The following CDK15 variants were observed in gnomAD, a reference collection of about 807,000 sequenced individuals.
CDK15 encodes the protein cyclin dependent kinase 15.
Under a neutral mutation model 60.3 loss-of-function variants are expected in CDK15, and 62 were observed. The ratio of observed to expected loss-of-function variants is 1.03; its 90% CI spans 0.84 to 1.27. The LOEUF is 1.27. Among genes scored for constraint, CDK15 ranks in the 50% most tolerant of loss-of-function variants. The pLI is 0.00. For missense variants in CDK15, 541 were observed against 527.8 expected, an observed-to-expected ratio of 1.03 and a Z score of -0.25; for synonymous variants, 194 against 195.7, an observed-to-expected ratio of 0.99 and a Z score of 0.07.
intron 4 of CDK15, among the ~76,000 whole-genome samples, chr2:201,813,388 G>A (rs1007116727): frequency 1.3e-5 from 2 of 152,106 alleles, no homozygotes; most frequent in Non-Finnish European, 1.5e-5. Context: ...AACCTTTATT[G>A]CATGAGCCAT....
intron 8 of CDK15, among the ~76,000 whole-genome samples, chr2:201,844,843 T>A (rs1314645702): frequency 1.3e-5 from 2 of 151,706 alleles, no homozygotes; most frequent in African/African-American, 4.8e-5. Flanking sequence ...ATATCCAAAT[T>A]GGCTTTTTAA....
intron 12 of CDK15, among the ~76,000 whole-genome samples, 189 bp from the exon 13 acceptor site, chr2:201,890,596 T>C (rs965283967): frequency 2.6e-5 from 4 of 152,240 alleles, no homozygotes; most frequent in African/African-American, 9.6e-5. Context: ...TTGAATTAAA[T>C]AGAAGGCACT....
At chr2:201,822,436 T>G (rs1001386662) in intron 4 of CDK15, among the ~76,000 whole-genome samples, 1 of 152,208 alleles carries the variant, frequency 6.6e-6, no homozygotes, top group African/African-American at 2.4e-5. Flanking sequence ...AACACTCCAT[T>G]TCCTGCTCCT....
chr2:201,890,688 C>G (rs969545395), intron 12 of CDK15, 97 bp from the exon 13 acceptor site: 65 of 861,230 alleles, frequency 7.5e-5, no homozygotes, highest in Admixed American at 2.1e-4. Context: ...CATGTTTTGA[C>G]ATTTCTTCAG....
rs900521237 is a variant in CDK15, at chr2:201,834,112, A to G, written c.730+141A>G. ...TTTGTGAGGATATCAAACTACCACA[A>G]AGGAAGTGTGAGGCACGAAACAGGG... On this transcript the variant is annotated intron_variant, in intron 7 of 13. Transcript: ENST00000652192. 1.5e-5 allele frequency: 16 copies of G among 1,082,368 alleles called. No individual in the cohort carries two copies. In the South Asian group the frequency reaches 1.9e-4, roughly 13 times the overall value. The allele number at this position is 1,082,368 out of a possible 1,614,324, so 67.0% of individuals were successfully genotyped here. A position where few individuals can be genotyped will look rare whatever the true frequency, so the allele number is the denominator to read the frequency against.
At chr2:201,816,466 T>TTTG (rs1553520805) in intron 4 of CDK15, among the ~76,000 whole-genome samples, 2 of 147,850 alleles carry the variant, frequency 1.4e-5, no homozygotes, top group Admixed American at 6.7e-5. Flanking sequence ...TTTTTTTTTT[T>TTTG]TTTTTTTTTT....
intron 10 of CDK15, among the ~76,000 whole-genome samples, chr2:201,864,996 A>G (rs1698560785): frequency 6.6e-6 from 1 of 152,176 alleles, no homozygotes; most frequent in Non-Finnish European, 1.5e-5. Context: ...CCAGTACTGC[A>G]GGACTGGGTA....
At chr2:201,821,390 GCC>G (rs1696212903) in intron 4 of CDK15, among the ~76,000 whole-genome samples, 3 of 151,978 alleles carry the variant, frequency 2.0e-5, no homozygotes, top group African/African-American at 7.3e-5. Flanking sequence ...AAATAGAAGT[GCC>G]CCCGCTAGAA....
intron 10 of CDK15, among the ~76,000 whole-genome samples, chr2:201,866,957 C>T (rs922885116): frequency 9.9e-5 from 15 of 152,246 alleles, no homozygotes; most frequent in Admixed American, 9.2e-4. Flanking sequence ...GTGGGAGGGG[C>T]GTCAGCACAA....
At chr2:201,810,287 C>A (rs1393338825) in intron 3 of CDK15, among the ~76,000 whole-genome samples, 1 of 151,620 alleles carries the variant, frequency 6.6e-6, no homozygotes, top group East Asian at 1.9e-4. Flanking sequence ...CAGAAAAGAT[C>A]CATAAACTTA....
intron 6 of CDK15, among the ~76,000 whole-genome samples, chr2:201,826,407 C>T (rs1696497241): frequency 7.8e-6 from 1 of 127,930 alleles, no homozygotes; most frequent in African/African-American, 2.9e-5. Context: ...TTGCGTGAGC[C>T]GAGATCGCGC....
At chr2:201,809,103 G>A (rs1050871729) in intron 3 of CDK15, among the ~76,000 whole-genome samples, 1 of 151,940 alleles carries the variant, frequency 6.6e-6, no homozygotes, top group Non-Finnish European at 1.5e-5. Flanking sequence ...TTTCAATGCT[G>A]AGAACATCTG....
chr2:201,867,260 C>A (rs899924714), intron 10 of CDK15, among the ~76,000 whole-genome samples: 1 of 152,148 alleles, frequency 6.6e-6, no homozygotes, highest in Non-Finnish European at 1.5e-5. Flanking sequence ...GAGTGATAGA[C>A]CCTGCCCTCT....
intron 8 of CDK15, among the ~76,000 whole-genome samples, chr2:201,841,495 AT>A (rs1484943763): frequency 2.0e-5 from 3 of 152,014 alleles, no homozygotes; most frequent in African/African-American, 7.2e-5. Context: ...CTCTCCTCCC[AT>A]TTTTTTCTTT....
rs1048198252 is a variant in CDK15, at chr2:201,890,641, A to G, written c.1199-144A>G. 1.2e-5 allele frequency: 7 copies of G among 588,618 alleles called. No homozygotes were observed. The African/African-American group carries it at 1.3e-4, about 11-fold the overall frequency. 36.5% of individuals were successfully genotyped at this position (588,618 alleles called of 1,614,324 possible). ...TTGGATTCAGTAAAGTGAGTCATCT[A>G]TGAGTCAGTATGAATTATTAGTAAA... On this transcript the variant is annotated intron_variant, in intron 12 of 13. Coordinates refer to ENST00000652192, the MANE Select transcript of CDK15 (RefSeq NM_001366386.2).
chr2:201,861,584 TGAA>T, intron 10 of CDK15: 1 of 893,150 alleles, frequency 1.1e-6, no homozygotes. Flanking sequence ...TTTTTTTAGA[TGAA>T]GTCTCACTTG....
In CDK15 at chr2:201,882,728, A is replaced by C. The variant is rs1699328141; in HGVS notation, c.1198+2561A>C. Among the ~76,000 whole-genome samples, 1 of 152,068 alleles carries C rather than the reference A, an allele frequency of 6.6e-6. No homozygotes were observed. On this transcript the variant is annotated intron_variant, in intron 12 of 13. Transcript: ENST00000652192. The surrounding 1 kb of genome is among the most constrained non-coding windows in gnomAD (Gnocchi z 4.0). ...GTGTGACAGGGTGGTGGGTGTGCAG[A>C]AATATGTATATAGACAGATGGACAA...
chr2:201,831,375 G>T (rs1696746743), intron 6 of CDK15, among the ~76,000 whole-genome samples: 1 of 152,152 alleles, frequency 6.6e-6, no homozygotes, highest in Non-Finnish European at 1.5e-5. Context: ...TCTAACTCCT[G>T]GGATCTGGGA....
At chr2:201,824,381 A>C (rs6435110) in intron 6 of CDK15, among the ~76,000 whole-genome samples, 139,412 of 152,226 alleles carry the variant, frequency 0.92, 64,278 homozygotes, top group East Asian at 1. Flanking sequence ...TTTATTCATT[A>C]ATTTAAGAAA....
Sources: allele counts gnomAD v4.1 joint callset (sites outside exome capture counted in the v4.1 genomes callset), GRCh38; gene constraint gnomAD v4.1.1; non-coding constraint Gnocchi (gnomAD v3.1); transcripts MANE v1.5; gene names NCBI Gene and HGNC (gene_info 2026-07-23, HGNC 2026-07-21).